The following EGLN1 variants were observed in gnomAD, a reference collection of about 807,000 sequenced individuals.
EGLN1 encodes egl nine homolog 1.
A neutral mutation model predicts 38.3 loss-of-function variants in EGLN1; 17 were observed. The ratio of observed to expected loss-of-function variants is 0.44; its 90% CI spans 0.30 to 0.67. The LOEUF (loss-of-function observed/expected upper bound fraction) is 0.67, where lower values mean the gene tolerates loss of function less well. EGLN1 is among the 30% of genes least tolerant of loss of function. The pLI is 0.08. For synonymous variants in EGLN1, 283 were observed against 257.5 expected (o/e 1.10, Z -0.95); for missense variants, 477 against 603.3 (o/e 0.79, Z 2.19).
At chr1:231,370,742 C>T (rs1291739879) in intron 2 of EGLN1, 44 bp from the exon 3 acceptor site, 5 of 1,608,706 alleles carry the variant, frequency 3.1e-6, no homozygotes, top group Non-Finnish European at 3.4e-6. Flanking sequence ...ACCAAAAATG[C>T]TACAAGATTA....
chr1:231,408,859 A>G (rs1688857886), intron 1 of EGLN1, among the ~76,000 whole-genome samples: 1 of 152,118 alleles, frequency 6.6e-6, no homozygotes, highest in Non-Finnish European at 1.5e-5. Flanking sequence ...CCACTTTCCA[A>G]ACGAAAGAAA....
chr1:231,410,822 C>T (rs1354147437), intron 1 of EGLN1, among the ~76,000 whole-genome samples: 1 of 132,756 alleles, frequency 7.5e-6, no homozygotes, highest in Non-Finnish European at 1.5e-5. Flanking sequence ...GTTAATAGAG[C>T]TATTGCAGCA....
At chr1:231,390,281 G>C (rs1688332803) in intron 1 of EGLN1, among the ~76,000 whole-genome samples, 1 of 152,136 alleles carries the variant, frequency 6.6e-6, no homozygotes, top group Non-Finnish European at 1.5e-5. Context: ...AAAAATTAGG[G>C]TATCACTATC....
intron 1 of EGLN1, among the ~76,000 whole-genome samples, chr1:231,406,617 G>C (rs867131376): frequency 1.3e-5 from 2 of 152,074 alleles, no homozygotes; most frequent in South Asian, 4.2e-4. Context: ...AACACACACA[G>C]AAACCTTATT....
intron 1 of EGLN1, among the ~76,000 whole-genome samples, chr1:231,391,092 T>TTTTTGTG (rs1553353098): frequency 1.5e-5 from 1 of 67,368 alleles, no homozygotes; most frequent in African/African-American, 4.8e-5. Flanking sequence ...TGTTTTTTTT[T>TTTTTGTG]TGTGTGTGTG....
rs565383397 is a variant in EGLN1 at position 231,401,592 on chromosome 1, TTA to T, written c.891+19404_891+19405del. Among the ~76,000 whole-genome samples, 292 of 152,220 alleles carry T rather than the reference TTA, an allele frequency of 1.9e-3. 1 individual carries two copies. The highest frequency in any genetic ancestry group is 6.0e-3 in the African/African-American group (250 of 41,554). ...CTTCAACCATGAAGAGCTAAATAATTTATGTTACAATTTTTAACTCAGCATGA... is the reference window on the plus strand; with the variant it reads ...CTTCAACCATGAAGAGCTAAATAATTTGTTACAATTTTTAACTCAGCATGA... On this transcript the variant is annotated intron_variant, in intron 1 of 4. Transcript: ENST00000366641.
intron 1 of EGLN1, among the ~76,000 whole-genome samples, chr1:231,414,976 C>A (rs896997543): frequency 6.6e-6 from 1 of 151,994 alleles, no homozygotes; most frequent in South Asian, 2.1e-4. Flanking sequence ...CAAGCAAATC[C>A]GCCCACCCTG....
At chr1:231,373,451 A>G (rs888331995) in intron 2 of EGLN1, among the ~76,000 whole-genome samples, 1 of 152,244 alleles carries the variant, frequency 6.6e-6, no homozygotes, top group African/African-American at 2.4e-5. Context: ...GATTTTAGAT[A>G]AGTGCTCTAA....
At chr1:231,375,200 T>C (rs1371201256) in intron 1 of EGLN1, among the ~76,000 whole-genome samples, 1 of 152,046 alleles carries the variant, frequency 6.6e-6, no homozygotes, top group Non-Finnish European at 1.5e-5. Context: ...GGATTACAGG[T>C]GCATGCTGCC....
chr1:231,400,031 G>A (rs1178867563), intron 1 of EGLN1, among the ~76,000 whole-genome samples: 2 of 152,280 alleles, frequency 1.3e-5, no homozygotes, highest in East Asian at 3.9e-4. Flanking sequence ...AAAAAGGTAA[G>A]AGAATATTAA....
chr1:231,405,649 G>A (rs917174444), intron 1 of EGLN1, among the ~76,000 whole-genome samples: 2 of 152,128 alleles, frequency 1.3e-5, no homozygotes, highest in Admixed American at 6.5e-5. Context: ...AATACTAGCA[G>A]GTCCTATTCC....
chr1:231,409,260 A>C (rs1688872543), intron 1 of EGLN1, among the ~76,000 whole-genome samples: 1 of 151,720 alleles, frequency 6.6e-6, no homozygotes, highest in African/African-American at 2.4e-5. Context: ...AAAAAAACAA[A>C]AAAAAACCTC....
At position 231,422,044 on chromosome 1, in the gene EGLN1, G is replaced by T; in HGVS notation, c.-156C>A. ...CGCCTCAGGGAGGCCGGCACCCCAC[G>T]CCCTCGGCCCGGCCGCTTCCGAGTC... On this transcript the variant is annotated 5_prime_UTR_variant, in exon 1 of 5. Transcript: ENST00000366641. 1.3e-6 allele frequency: 1 copy of T among 770,592 alleles called. No homozygotes were observed. The highest frequency in any genetic ancestry group is 1.8e-6 in the Non-Finnish European group (1 of 555,126). 47.7% of individuals were successfully genotyped at this position (770,592 alleles called of 1,614,324 possible).
intron 3 of EGLN1, chr1:231,369,712 G>A: frequency 4.1e-6 from 2 of 489,410 alleles, no homozygotes; most frequent in Non-Finnish European, 5.3e-6. Context: ...TCTCCACCCA[G>A]CGCATCTAAG....
chr1:231,381,985 C>T (rs1327752417), intron 1 of EGLN1, among the ~76,000 whole-genome samples: 1 of 152,184 alleles, frequency 6.6e-6, no homozygotes, highest in African/African-American at 2.4e-5. Flanking sequence ...CTAGCCCATG[C>T]AAGGAAGTAT....
intron 1 of EGLN1, among the ~76,000 whole-genome samples, chr1:231,395,712 G>A (rs1381937160): frequency 1.3e-5 from 2 of 152,142 alleles, no homozygotes; most frequent in Non-Finnish European, 2.9e-5. Context: ...AGTGCTCTGG[G>A]ATACATCGAT....
Position 231,382,859 on chromosome 1 carries a change from A to C in EGLN1, c.892-8760T>G, listed in dbSNP as rs534882235. On this transcript the variant is annotated intron_variant, in intron 1 of 4. Transcript: ENST00000366641. ...GATCATCTGAGGTCAGAAGTTTGAG[A>C]CCAGCCTGGCCAACATGGTGAAACC... is the stretch of plus-strand genomic sequence containing the variant. 4.6e-5 allele frequency among the ~76,000 whole-genome samples: 7 copies of C among 152,138 alleles called. No individual in the cohort carries two copies. The South Asian group carries it at 1.5e-3, about 32-fold the overall frequency.
chr1:231,390,655 T>C (rs919259701), intron 1 of EGLN1, among the ~76,000 whole-genome samples: 2 of 152,210 alleles, frequency 1.3e-5, no homozygotes, highest in Non-Finnish European at 2.9e-5. Flanking sequence ...AAATGCCTGA[T>C]AGATTGAAGC....
At chr1:231,398,185 T>C (rs1688579222) in intron 1 of EGLN1, among the ~76,000 whole-genome samples, 1 of 152,214 alleles carries the variant, frequency 6.6e-6, no homozygotes, top group South Asian at 2.1e-4. Flanking sequence ...TAAAAGTTCA[T>C]TCTACCTTGC....
Sources: gnomAD v4.1 joint callset for allele counts (sites outside exome capture counted in the v4.1 genomes callset) on GRCh38, gnomAD v4.1.1 for gene constraint, MANE v1.5 for transcripts, NCBI Gene and HGNC (gene_info 2026-07-23, HGNC 2026-07-21) for gene names.